Variants in PCDH9 observed in about 807,000 individuals in gnomAD.
The protein encoded by PCDH9 is protocadherin 9.
A neutral mutation model predicts 70.6 loss-of-function variants in PCDH9; 24 were observed. The observed-to-expected ratio is 0.34, with a 90% CI of 0.25 to 0.48. The LOEUF (loss-of-function observed/expected upper bound fraction) is 0.48. Ranked by LOEUF, PCDH9 falls within the 20% of genes least tolerant of loss-of-function variation. The pLI is 0.99. For missense variants in PCDH9, 1,281 were observed against 1,503.6 expected, an observed-to-expected ratio of 0.85 and a Z score of 2.45; for synonymous variants, 562 against 558.5, an observed-to-expected ratio of 1.01 and a Z score of -0.09.
intron 3 of PCDH9, among the ~76,000 whole-genome samples, chr13:66,678,137 C>T (rs183633784): frequency 1.9e-4 from 29 of 152,140 alleles, no homozygotes; most frequent in Non-Finnish European, 4.3e-4. Flanking sequence ...AAAGTTGTTA[C>T]GTTACAGTTC....
At chr13:66,380,560 T>C (rs1178247156) in intron 4 of PCDH9, among the ~76,000 whole-genome samples, 1 of 114,136 alleles carries the variant, frequency 8.8e-6, no homozygotes, top group African/African-American at 2.8e-5. Flanking sequence ...TTTTTTTTTT[T>C]TGAGACAGAG....
At chr13:66,897,030 C>T (rs1297771583) in intron 3 of PCDH9, among the ~76,000 whole-genome samples, 1 of 152,152 alleles carries the variant, frequency 6.6e-6, no homozygotes, top group Non-Finnish European at 1.5e-5. Flanking sequence ...GCTCTTCTTG[C>T]ATCTTGAGTA....
At chr13:67,205,619 C>T (rs1392290839) in intron 2 of PCDH9, 1 of 152,154 alleles carries the variant, frequency 6.6e-6, no homozygotes, top group East Asian at 1.9e-4. Flanking sequence ...GAACTGTACT[C>T]ATGAAAGTGA....
At chr13:66,678,837 G>C (rs1238544923) in intron 3 of PCDH9, among the ~76,000 whole-genome samples, 1 of 151,702 alleles carries the variant, frequency 6.6e-6, no homozygotes, top group Non-Finnish European at 1.5e-5. Context: ...TTCACACTTA[G>C]TACACTCTTA....
At chr13:66,604,770 C>T (rs962468466) in intron 4 of PCDH9, among the ~76,000 whole-genome samples, 1 of 151,668 alleles carries the variant, frequency 6.6e-6, no homozygotes, top group African/African-American at 2.4e-5. Flanking sequence ...TCAATAGAAA[C>T]CATTCATTAG....
intron 3 of PCDH9, among the ~76,000 whole-genome samples, chr13:66,738,062 G>A (rs1237094529): frequency 6.6e-6 from 1 of 152,222 alleles, no homozygotes; most frequent in Non-Finnish European, 1.5e-5. Context: ...CAAACAAAAA[G>A]ACAGCAGTAA....
At chr13:66,752,677 A>C (rs1477781556) in intron 3 of PCDH9, among the ~76,000 whole-genome samples, 5 of 152,220 alleles carry the variant, frequency 3.3e-5, no homozygotes, top group African/African-American at 1.2e-4. Flanking sequence ...CTCATACAGA[A>C]TTAACCAGAG....
intron 2 of PCDH9, among the ~76,000 whole-genome samples, chr13:67,071,072 A>C (rs1407832747): frequency 6.6e-6 from 1 of 152,188 alleles, no homozygotes; most frequent in Admixed American, 6.5e-5. Flanking sequence ...CTATCTCTTC[A>C]GAGATTTTCT....
chr13:66,578,404 C>T (rs367818641), intron 4 of PCDH9, among the ~76,000 whole-genome samples: 14 of 151,716 alleles, frequency 9.2e-5, no homozygotes, highest in East Asian at 3.9e-4. Context: ...TTTAGAGTGA[C>T]GATAATAGCT....
At chr13:66,897,129 C>T (rs549990245) in intron 3 of PCDH9, among the ~76,000 whole-genome samples, 1 of 152,052 alleles carries the variant, frequency 6.6e-6, no homozygotes, top group East Asian at 1.9e-4. Flanking sequence ...CACAAAGAAC[C>T]ATGTTTGTAT....
At chr13:67,169,163 T>C (rs2088207789) in intron 2 of PCDH9, among the ~76,000 whole-genome samples, 1 of 152,206 alleles carries the variant, frequency 6.6e-6, no homozygotes, top group Non-Finnish European at 1.5e-5. Flanking sequence ...AAACCACAGT[T>C]ATATTTGTAA....
chr13:66,600,551 T>C (rs1023171792), intron 4 of PCDH9, among the ~76,000 whole-genome samples: 16 of 151,936 alleles, frequency 1.1e-4, no homozygotes, highest in Admixed American at 1.1e-3. Flanking sequence ...GTGCATGATT[T>C]AATTGCCTCA....
chr13:67,181,103 C>T (rs757735467), intron 2 of PCDH9, among the ~76,000 whole-genome samples: 6 of 152,010 alleles, frequency 3.9e-5, no homozygotes, highest in Non-Finnish European at 8.8e-5. Flanking sequence ...TTGGCCTTTA[C>T]CTTAGGTGCG....
intron 3 of PCDH9, among the ~76,000 whole-genome samples, chr13:66,838,963 T>C (rs2081070236): frequency 6.6e-6 from 1 of 151,956 alleles, no homozygotes; most frequent in Non-Finnish European, 1.5e-5. Context: ...AGAAACTAAC[T>C]CCCTCAAATG....
At chr13:66,984,866 T>C (rs944675060) in intron 2 of PCDH9, among the ~76,000 whole-genome samples, 2 of 152,142 alleles carry the variant, frequency 1.3e-5, no homozygotes, top group East Asian at 3.8e-4. Flanking sequence ...ATTTCCTATA[T>C]GGTTTTCTAA....
intron 2 of PCDH9, among the ~76,000 whole-genome samples, chr13:66,909,119 T>C (rs904147709): frequency 2.0e-5 from 3 of 151,962 alleles, no homozygotes; most frequent in Admixed American, 6.6e-5. Flanking sequence ...CTTTGAGACA[T>C]AAATCAATGC....
intron 2 of PCDH9, among the ~76,000 whole-genome samples, chr13:67,148,106 T>A (rs1314489822): frequency 6.6e-6 from 1 of 152,180 alleles, no homozygotes; most frequent in African/African-American, 2.4e-5. Context: ...TGCAGGTCTA[T>A]CTTTTTAACA....
intron 2 of PCDH9, among the ~76,000 whole-genome samples, chr13:66,970,914 A>G (rs1344603375): frequency 1.3e-5 from 2 of 152,012 alleles, no homozygotes; most frequent in Non-Finnish European, 2.9e-5. Context: ...TATAATGATC[A>G]GTGTCAGAAT....
chr13:67,117,729 G>A (rs1206227706), intron 2 of PCDH9, among the ~76,000 whole-genome samples: 10 of 152,062 alleles, frequency 6.6e-5, no homozygotes, highest in Non-Finnish European at 1.0e-4. Flanking sequence ...ACAGATAAAG[G>A]AGGGATGGGA....
Sources: gnomAD v4.1 joint callset for allele counts (sites outside exome capture counted in the v4.1 genomes callset) on GRCh38, gnomAD v4.1.1 for gene constraint, MANE v1.5 for transcripts, NCBI Gene and HGNC (gene_info 2026-07-23, HGNC 2026-07-21) for gene names.